The following SFMBT1 variants were observed in gnomAD, a reference collection of about 807,000 sequenced individuals.
The protein encoded by SFMBT1 is Scm like with four mbt domains 1, also known as scm-like with four MBT domains protein 1.
Under a neutral mutation model 108.7 loss-of-function variants are expected in SFMBT1, and 32 were observed. The observed-to-expected ratio is 0.29, with a 90% CI of 0.22 to 0.40. The LOEUF is 0.40. SFMBT1 is among the 10% of genes least tolerant of loss of function. SFMBT1 has a pLI of 1.00. For missense variants in SFMBT1, 816 were observed against 1,059.6 expected, an observed-to-expected ratio of 0.77 and a Z score of 3.19; for synonymous variants, 348 against 369.5, an observed-to-expected ratio of 0.94 and a Z score of 0.67.
At chr3:52,990,813 A>C (rs1705095682) in intron 1 of SFMBT1, among the ~76,000 whole-genome samples, 1 of 152,214 alleles carries the variant, frequency 6.6e-6, no homozygotes, top group East Asian at 1.9e-4. Context: ...TAAAACAAGG[A>C]AATAAACCTA....
intron 10 of SFMBT1, among the ~76,000 whole-genome samples, chr3:52,925,388 A>G (rs1401843215): frequency 6.6e-6 from 1 of 152,256 alleles, no homozygotes; most frequent in African/African-American, 2.4e-5. Flanking sequence ...ATGCTCATTT[A>G]TCATAATTTA....
intron 1 of SFMBT1, among the ~76,000 whole-genome samples, chr3:52,984,195 A>C (rs1232592343): frequency 6.6e-6 from 1 of 152,200 alleles, no homozygotes; most frequent in Admixed American, 6.5e-5. Flanking sequence ...AATTATGATG[A>C]GCTTCAGTGC....
chr3:52,926,161 G>T, intron 9 of SFMBT1, 48 bp from the exon 10 acceptor site: 1 of 1,538,570 alleles, frequency 6.5e-7, no homozygotes, highest in Non-Finnish European at 8.9e-7. Context: ...CACCACATAC[G>T]CCTGCCTGGC....
chr3:52,927,009 GAC>G (rs1702678933), intron 9 of SFMBT1, among the ~76,000 whole-genome samples: 1 of 152,086 alleles, frequency 6.6e-6, no homozygotes, highest in Admixed American at 6.6e-5. Context: ...TATTTACAAA[GAC>G]ACAGTTGATT....
At chr3:52,953,166 G>C (rs1438798999) in intron 3 of SFMBT1, among the ~76,000 whole-genome samples, 1 of 152,180 alleles carries the variant, frequency 6.6e-6, no homozygotes, top group African/African-American at 2.4e-5. Flanking sequence ...TGAGTAAACA[G>C]GTTAAAAACT....
chr3:52,921,291 C>T (rs142616784), intron 11 of SFMBT1, among the ~76,000 whole-genome samples: 1 of 152,204 alleles, frequency 6.6e-6, no homozygotes, highest in Admixed American at 6.6e-5. Flanking sequence ...CAAACCTGTC[C>T]AATTATTGAA....
intron 12 of SFMBT1, among the ~76,000 whole-genome samples, chr3:52,918,916 G>C (rs1429660777): frequency 6.6e-6 from 1 of 152,004 alleles, no homozygotes; most frequent in Admixed American, 6.6e-5. Context: ...CAGGGGGTGG[G>C]GGGTCATTTC....
At chr3:53,021,556 G>A (rs548134619) in intron 1 of SFMBT1, among the ~76,000 whole-genome samples, 1 of 152,324 alleles carries the variant, frequency 6.6e-6, no homozygotes, top group South Asian at 2.1e-4. Flanking sequence ...GCACTCTGTT[G>A]CCATTTGGAG....
intron 16 of SFMBT1, 103 bp from the exon 17 acceptor site, chr3:52,911,281 A>C: frequency 8.4e-7 from 1 of 1,196,314 alleles, no homozygotes; most frequent in Non-Finnish European, 1.2e-6. Context: ...GCTTCTTGGA[A>C]TATTCTATGT....
intron 1 of SFMBT1, among the ~76,000 whole-genome samples, chr3:53,028,230 C>T (rs1246312878): frequency 6.6e-6 from 1 of 152,130 alleles, no homozygotes; most frequent in Non-Finnish European, 1.5e-5. Context: ...TACAGGTGCA[C>T]ACCACCACAC....
intron 1 of SFMBT1, among the ~76,000 whole-genome samples, chr3:53,016,380 A>G (rs1454937072): frequency 1.3e-5 from 2 of 152,154 alleles, no homozygotes; most frequent in African/African-American, 4.8e-5. Flanking sequence ...CATATATCCA[A>G]CTTTCAAAGC....
chr3:53,038,282 CTA>C (rs2106971031), intron 1 of SFMBT1, among the ~76,000 whole-genome samples: 1 of 152,232 alleles, frequency 6.6e-6, no homozygotes, highest in Non-Finnish European at 1.5e-5. Flanking sequence ...GCTCTATGCT[CTA>C]TTAGACAACA....
intron 20 of SFMBT1, among the ~76,000 whole-genome samples, 162 bp downstream of exon 20, chr3:52,905,951 A>G (rs1015677695): frequency 6.6e-6 from 1 of 152,364 alleles, no homozygotes; most frequent in Middle Eastern, 3.4e-3. Context: ...AGTCTGATAA[A>G]TAACTTTTTA....
intron 1 of SFMBT1, among the ~76,000 whole-genome samples, chr3:52,980,803 A>C (rs553988319): frequency 1.1e-4 from 17 of 152,352 alleles, no homozygotes; most frequent in Non-Finnish European, 2.2e-4. Flanking sequence ...CTGCTGTAGA[A>C]AGGCATACCT....
intron 2 of SFMBT1, among the ~76,000 whole-genome samples, chr3:52,963,800 T>C (rs1704043830): frequency 6.6e-6 from 1 of 152,212 alleles, no homozygotes; most frequent in African/African-American, 2.4e-5. Flanking sequence ...CAGTGGAATA[T>C]ATTTAAAAGC....
chr3:52,913,282 G>C (rs1333932668), intron 15 of SFMBT1, among the ~76,000 whole-genome samples, 196 bp downstream of exon 15: 1 of 123,326 alleles, frequency 8.1e-6, no homozygotes, highest in East Asian at 2.5e-4. Flanking sequence ...GCTGTGTGAA[G>C]AGTTGTTTAC....
rs562802365 is a variant in SFMBT1, at chr3:52,971,934, G to C, written c.-130-2676C>G. Among the ~76,000 whole-genome samples the C allele has an allele frequency of 3.9e-5, 6 of 152,316 alleles. No homozygotes were observed. In the East Asian group the frequency reaches 1.2e-3, roughly 29 times the overall value. On this transcript the variant is annotated intron_variant, in intron 1 of 20. Coordinates refer to ENST00000394752, the MANE Select transcript of SFMBT1 (RefSeq NM_016329.4). Reference sequence around the variant, plus strand: ...AAGTGGCAAATAAAAGACTGAACAGGAAGAGAAGGGATAACAGCAATTAAT... The same window carrying C: ...AAGTGGCAAATAAAAGACTGAACAGCAAGAGAAGGGATAACAGCAATTAAT...
intron 1 of SFMBT1, among the ~76,000 whole-genome samples, chr3:53,039,614 A>C (rs1699970671): frequency 6.6e-6 from 1 of 152,202 alleles, no homozygotes; most frequent in African/African-American, 2.4e-5. Context: ...AAAATGGTAC[A>C]ATTCATGCTA....
chr3:52,919,272 T>A (rs1417186387), intron 12 of SFMBT1, among the ~76,000 whole-genome samples: 1 of 150,752 alleles, frequency 6.6e-6, no homozygotes, highest in Non-Finnish European at 1.5e-5. Flanking sequence ...TGGAAACAAT[T>A]CAAATGTCCA....
Sources: gnomAD v4.1 joint callset for allele counts (sites outside exome capture counted in the v4.1 genomes callset) on GRCh38, gnomAD v4.1.1 for gene constraint, MANE v1.5 for transcripts, NCBI Gene and HGNC (gene_info 2026-07-23, HGNC 2026-07-21) for gene names.